The following SNRPN variants were observed in gnomAD, a reference collection of about 807,000 sequenced individuals.
SNRPN encodes the protein small nuclear ribonucleoprotein-associated protein N.
Under a neutral mutation model 25.2 loss-of-function variants are expected in SNRPN, and 7 were observed. The observed-to-expected ratio is 0.28, with a 90% CI of 0.16 to 0.52. SNRPN has a LOEUF of 0.52. Among genes scored for constraint, SNRPN ranks in the 20% least tolerant of loss-of-function variants. SNRPN has a pLI of 0.96. For missense variants in SNRPN, 196 were observed against 322.5 expected (o/e 0.61, Z 3.00); for synonymous variants, 124 against 110.6 (o/e 1.12, Z -0.76).
chr15:24,834,727 C>CT (rs1491581821), intron 2 of SNRPN, among the ~76,000 whole-genome samples: 2,636 of 71,536 alleles, frequency 0.037, 117 homozygotes, highest in Middle Eastern at 0.05. Flanking sequence ...CTCTCTCTCT[C>CT]CCTCTCTCTC....
intron 1 of SNRPN, among the ~76,000 whole-genome samples, chr15:24,883,078 C>A (rs892767535): frequency 2.0e-5 from 3 of 152,116 alleles, no homozygotes; most frequent in Admixed American, 6.6e-5. Context: ...CTACTGAATG[C>A]TTATCACTGT....
At chr15:24,903,208 G>A (rs771577071) in intron 2 of SNRPN, among the ~76,000 whole-genome samples, 7 of 152,176 alleles carry the variant, frequency 4.6e-5, no homozygotes, top group Non-Finnish European at 8.8e-5. Flanking sequence ...GGGGCTGGAT[G>A]TTGAGGATAC....
intron 1 of SNRPN, among the ~76,000 whole-genome samples, chr15:24,885,045 G>A (rs562649767): frequency 6.6e-6 from 1 of 152,180 alleles, no homozygotes; most frequent in Non-Finnish European, 1.5e-5. Context: ...ACGTGCAGAT[G>A]GGTTGAGAGC....
At chr15:24,825,755 A>C (rs1427058358) in intron 1 of SNRPN, among the ~76,000 whole-genome samples, 1 of 152,108 alleles carries the variant, frequency 6.6e-6, no homozygotes, top group Non-Finnish European at 1.5e-5. Flanking sequence ...TAAATATCTC[A>C]TGTAACTTAT....
chr15:24,834,941 G>A (rs2050922445), intron 2 of SNRPN, among the ~76,000 whole-genome samples: 1 of 65,274 alleles, frequency 1.5e-5, no homozygotes, highest in Non-Finnish European at 2.9e-5. Context: ...AAAAAGAAAT[G>A]CATATAATAT....
chr15:24,880,889 C>G (rs181091677), intron 1 of SNRPN, among the ~76,000 whole-genome samples: 176 of 152,182 alleles, frequency 1.2e-3, no homozygotes, highest in African/African-American at 3.8e-3. Flanking sequence ...ATTGCCCAGG[C>G]TGGTCTCGAA....
chr15:24,869,875 G>A (rs1262384770), intron 1 of SNRPN, among the ~76,000 whole-genome samples: 1 of 152,122 alleles, frequency 6.6e-6, no homozygotes, highest in South Asian at 2.1e-4. Flanking sequence ...TAAAACAAGA[G>A]TTGAGAACTC....
intron 1 of SNRPN, among the ~76,000 whole-genome samples, chr15:24,885,748 G>A (rs190390400): frequency 2.0e-5 from 3 of 150,412 alleles, no homozygotes; most frequent in African/African-American, 7.3e-5. Flanking sequence ...GTGTGTGTGT[G>A]TGTGTATGTC....
chr15:24,865,542 G>A (rs1389204905), intron 1 of SNRPN, among the ~76,000 whole-genome samples: 3 of 152,130 alleles, frequency 2.0e-5, no homozygotes, highest in Non-Finnish European at 4.4e-5. Flanking sequence ...TGGAACAGAG[G>A]CTGGAGTTAG....
intron 3 of SNRPN, among the ~76,000 whole-genome samples, chr15:24,945,918 G>A (rs1335619444): frequency 1.3e-5 from 2 of 152,130 alleles, no homozygotes; most frequent in East Asian, 1.9e-4. Context: ...GCAAAAGGCT[G>A]GAACATGTTG....
chr15:24,851,107 C>T (rs1201518818), intron 2 of SNRPN: 9 of 146,664 alleles, frequency 6.1e-5, no homozygotes, highest in Non-Finnish European at 1.3e-4. Context: ...TTTGTAAAGA[C>T]GTGTCTCACT....
At chr15:24,905,246 C>G (rs1302035187) in intron 2 of SNRPN, among the ~76,000 whole-genome samples, 14 of 152,060 alleles carry the variant, frequency 9.2e-5, no homozygotes, top group African/African-American at 3.4e-4. Context: ...TGCGGTGGCT[C>G]AGACCTGTAA....
At chr15:24,934,229 C>T (rs977535925) in intron 3 of SNRPN, among the ~76,000 whole-genome samples, 4 of 151,818 alleles carry the variant, frequency 2.6e-5, no homozygotes, top group Admixed American at 2.0e-4. Context: ...ACCTGGGAGG[C>T]GGAGGTTGCA....
At position 24,922,812 on chromosome 15, in the gene SNRPN, AGT is replaced by A. The variant is rs145990191; in HGVS notation, c.-391+2691_-391+2692del. Among the ~76,000 whole-genome samples the A allele has an allele frequency of 5.5e-3, 803 of 145,684 alleles. 10 individuals carry two copies. The highest frequency in any genetic ancestry group is 0.037 in the East Asian group (164 of 4,460). Reference sequence around the variant, plus strand: ...TCTTTCTCACTGTGTATGTATACAGAGTGTATGCATATCACTATAGGTATACA... The same window carrying A: ...TCTTTCTCACTGTGTATGTATACAGAGTATGCATATCACTATAGGTATACA... On this transcript the variant is annotated intron_variant, in intron 3 of 11. Transcript: ENST00000400097.
intron 2 of SNRPN, among the ~76,000 whole-genome samples, chr15:24,898,199 A>G (rs1467810275): frequency 3.3e-5 from 5 of 152,152 alleles, no homozygotes; most frequent in African/African-American, 1.2e-4. Flanking sequence ...AGAGACAAAC[A>G]TTTCTGAGCA....
At chr15:24,977,708 A>G (rs1037782030) in intron 7 of SNRPN, 70 bp from the exon 8 acceptor site, 2 of 1,415,426 alleles carry the variant, frequency 1.4e-6, no homozygotes, top group Non-Finnish European at 1.9e-6. Context: ...CATTTTTCTC[A>G]TTTATTTTCT....
chr15:24,934,648 C>T (rs671362), intron 3 of SNRPN, among the ~76,000 whole-genome samples: 124,885 of 152,138 alleles, frequency 0.82, 51,733 homozygotes, highest in Admixed American at 0.89. Flanking sequence ...AACCTCCACC[C>T]GCCGGGCTCA....
chr15:24,910,554 C>T (rs1289720623), intron 2 of SNRPN, among the ~76,000 whole-genome samples: 3 of 151,992 alleles, frequency 2.0e-5, no homozygotes, highest in Non-Finnish European at 4.4e-5. Flanking sequence ...TGCAATGGTG[C>T]GATCTCGGCT....
chr15:24,835,281 ATTACT>A lies in SNRPN; in HGVS notation c.-579+5380_-579+5384del, dbSNP rs1469574315. Among the ~76,000 whole-genome samples the A allele has an allele frequency of 6.6e-5, 10 of 151,534 alleles. No individual in the cohort carries two copies. The East Asian group carries it at 1.4e-3, about 21-fold the overall frequency. On this transcript the variant is annotated intron_variant, in intron 2 of 12. Coordinates refer to the SNRPN transcript ENST00000400100. The stretch of plus-strand genomic sequence containing the variant: ...TGTTTTTCTTCTTATATGTGACTAC[ATTACT>A]TTAGTATGTAGCAAATATCATTTGC...
Sources: gnomAD v4.1 joint callset for allele counts (sites outside exome capture counted in the v4.1 genomes callset) on GRCh38, gnomAD v4.1.1 for gene constraint, MANE v1.5 for transcripts, NCBI Gene and HGNC (gene_info 2026-07-23, HGNC 2026-07-21) for gene names.